DNAH7: variants seen among roughly 807,000 people sequenced by gnomAD.
DNAH7 encodes axonemal beta dynein heavy chain 7.
Under a neutral mutation model 444.6 loss-of-function variants are expected in DNAH7, and 397 were observed. The observed-to-expected ratio is 0.89, with a 90% CI of 0.82 to 0.97. The LOEUF (loss-of-function observed/expected upper bound fraction) is 0.97. Among genes scored for constraint, DNAH7 ranks in the 50% least tolerant of loss-of-function variants. DNAH7 has a pLI of 0.00. For synonymous variants in DNAH7, 1,636 were observed against 1,624.4 expected, an observed-to-expected ratio of 1.01 and a Z score of -0.17; for missense variants, 4,902 against 4,800.8, an observed-to-expected ratio of 1.02 and a Z score of -0.62.
chr2:195,742,260 G>T (rs991366779), intron 63 of DNAH7, among the ~76,000 whole-genome samples: 2 of 152,046 alleles, frequency 1.3e-5, no homozygotes, highest in African/African-American at 4.8e-5. Flanking sequence ...GTGGGGATAG[G>T]GCAAAGTAAG....
rs368986561 is a variant in DNAH7 at position 195,972,309 on chromosome 2, C to T, written c.1991G>A (p.Gly664Glu). The T allele has an allele frequency of 2.1e-5, 34 of 1,613,954 alleles. No homozygotes were observed. The highest frequency in any genetic ancestry group is 3.3e-5 in the Admixed American group (2 of 59,994). The change falls in exon 16 of 65, where the codon GGA becomes GAA. Residue 664 changes from glycine (G) to glutamate (E), a missense_variant. By Grantham distance (98) the Gly-to-Glu change is moderately conservative. Transcript: ENST00000312428. ...NSVFQWYGRM[G>E]EIFEEHRKII... ...TTTCCTGTGTTCTTCAAAAATTTCTCCCATCCTTCCATACCACTGGAAAAC... is the reference window on the plus strand; with the variant it reads ...TTTCCTGTGTTCTTCAAAAATTTCTTCCATCCTTCCATACCACTGGAAAAC...
Position 196,068,810 on chromosome 2 carries a change from C to G in DNAH7, c.-99G>C. 6.8e-7 allele frequency: 1 copy of G among 1,459,884 alleles called. No individual in the cohort carries two copies. Among genetic ancestry groups the G allele is most frequent in the South Asian group, 1.3e-5 (1 of 79,200 alleles). 90.4% of individuals were successfully genotyped at this position (1,459,884 alleles called of 1,614,324 possible). A position where few individuals can be genotyped will look rare whatever the true frequency, so the allele number is the denominator to read the frequency against. On this transcript the variant is annotated 5_prime_UTR_variant, in exon 1 of 65. Coordinates refer to ENST00000312428, the MANE Select transcript of DNAH7 (RefSeq NM_018897.3). ...GCAGGGCCCCGGGACTTGCAGCGGT[C>G]TCAGCTCCCTCCGCACCAGAGCCGT...
intron 12 of DNAH7, among the ~76,000 whole-genome samples, chr2:195,997,951 G>A (rs980172980): frequency 6.6e-6 from 1 of 152,128 alleles, no homozygotes; most frequent in Non-Finnish European, 1.5e-5. Context: ...AATTTGGATC[G>A]TTCGTATACC....
At position 195,816,779 on chromosome 2, in the gene DNAH7, G is replaced by C. The variant is rs372339012; in HGVS notation, c.9610C>G (p.Arg3204Gly). 5 of 1,614,030 alleles carry C rather than the reference G, an allele frequency of 3.1e-6. No individual in the cohort carries two copies. Among genetic ancestry groups the C allele is most frequent in the Non-Finnish European group, 4.2e-6 (5 of 1,180,004 alleles). ...KKIDTTRMGY[R>G]PIAIHSSILF... ...ATGGAAGAATGGATGGCAATAGGAC[G>C]ATAGCCCATGCGGGTGGTGTCAATC... The change falls in exon 51 of 65, where the codon CGT (arginine) becomes GGT (glycine). Residue 3204 changes from arginine (R) to glycine (G), a missense_variant. Coordinates refer to ENST00000312428, the MANE Select transcript of DNAH7 (RefSeq NM_018897.3).
At chr2:195,822,060 T>C (rs1404139890) in intron 49 of DNAH7, among the ~76,000 whole-genome samples, 5 of 152,234 alleles carry the variant, frequency 3.3e-5, no homozygotes, top group Non-Finnish European at 7.3e-5. Flanking sequence ...AACTATAGAC[T>C]ACATAGATAT....
At chr2:196,062,323 CT>C (rs1698174411) in intron 1 of DNAH7, among the ~76,000 whole-genome samples, 1 of 152,182 alleles carries the variant, frequency 6.6e-6, no homozygotes, top group Non-Finnish European at 1.5e-5. Context: ...CCTCAACTCC[CT>C]CTGGCACATA....
intron 5 of DNAH7, 47 bp from the exon 6 acceptor site, chr2:196,028,094 T>C (rs767006642): frequency 8.6e-6 from 13 of 1,505,336 alleles, no homozygotes; most frequent in South Asian, 8.2e-5. Context: ...AAGGGGCAGT[T>C]AGAACATAAA....
At chr2:196,036,704 G>A (rs2125816542) in intron 5 of DNAH7, among the ~76,000 whole-genome samples, 1 of 152,132 alleles carries the variant, frequency 6.6e-6, no homozygotes, top group South Asian at 2.1e-4. Context: ...CTGGCCTGTG[G>A]CCGACACCAA....
intron 61 of DNAH7, among the ~76,000 whole-genome samples, chr2:195,761,228 A>G (rs1694333654): frequency 6.6e-6 from 1 of 152,060 alleles, no homozygotes; most frequent in African/African-American, 2.4e-5. Context: ...GTCTCTTAAC[A>G]GCAGAACTAA....
At chr2:195,964,526 G>GTTT (rs34416268) in intron 17 of DNAH7, among the ~76,000 whole-genome samples, 4 of 119,082 alleles carry the variant, frequency 3.4e-5, no homozygotes, top group Admixed American at 8.8e-5. Flanking sequence ...AGTTCTAATA[G>GTTT]TTTTTTTTTT....
intron 24 of DNAH7, among the ~76,000 whole-genome samples, chr2:195,913,776 G>A (rs950172894): frequency 3.9e-5 from 6 of 152,094 alleles, no homozygotes; most frequent in Non-Finnish European, 5.9e-5. Flanking sequence ...GTGCAGTGGC[G>A]CAATCTCGGC....
chr2:195,811,771 T>TGAAA (rs1696980652), intron 51 of DNAH7, among the ~76,000 whole-genome samples: 1 of 151,466 alleles, frequency 6.6e-6, no homozygotes, highest in Non-Finnish European at 1.5e-5. Context: ...TTGATAGAAG[T>TGAAA]GAAAGAAAAA....
chr2:195,859,217 TA>T (rs1482689689), intron 42 of DNAH7, among the ~76,000 whole-genome samples: 1 of 152,206 alleles, frequency 6.6e-6, no homozygotes, highest in Non-Finnish European at 1.5e-5. Flanking sequence ...GTGCTCAAAA[TA>T]TATTATTTTG....
intron 12 of DNAH7, among the ~76,000 whole-genome samples, chr2:195,998,045 G>A (rs1476815610): frequency 6.6e-6 from 1 of 152,152 alleles, no homozygotes. Flanking sequence ...AAAACAAAAT[G>A]TGTTACCAGA....
In DNAH7 at chr2:195,987,147, C is replaced by T; in HGVS notation, c.1673G>A (p.Arg558Lys). 2 of 1,607,124 alleles carry T rather than the reference C, an allele frequency of 1.2e-6. No individual in the cohort carries two copies. Among genetic ancestry groups the T allele is most frequent in the Non-Finnish European group, 1.7e-6 (2 of 1,177,390 alleles). The stretch of plus-strand genomic sequence containing the variant: ...AATATCTGCTCGCTTCACCAAAGCT[C>T]TGATTAATTCCTCACAGTGCATTTC... Reference protein sequence around the residue: ...MFEMHCEELIRALVKRADIIC... With the variant: ...MFEMHCEELIKALVKRADIIC... Residue 558 changes from arginine (R) to lysine (K), a missense_variant, in exon 14 of 65, where the codon AGA (arginine) becomes AAA (lysine). Physicochemically the swap from Arg to Lys is conservative, Grantham distance 26. Coordinates refer to ENST00000312428, the MANE Select transcript of DNAH7 (RefSeq NM_018897.3).
At chr2:195,738,185 GT>G (rs1392085062) in intron 64 of DNAH7, 58 bp from the exon 65 acceptor site, 4 of 1,460,432 alleles carry the variant, frequency 2.7e-6, no homozygotes, top group Non-Finnish European at 3.8e-6. Context: ...ATGTACATGT[GT>G]TTGAGCCTAC....
intron 1 of DNAH7, among the ~76,000 whole-genome samples, chr2:196,067,867 T>C (rs751040244): frequency 4.6e-5 from 7 of 152,244 alleles, no homozygotes; most frequent in Non-Finnish European, 7.3e-5. Context: ...CTTTTCCTTA[T>C]TCATCACTAC....
At chr2:195,743,348 T>A (rs185789174) in intron 63 of DNAH7, among the ~76,000 whole-genome samples, 250 of 152,296 alleles carry the variant, frequency 1.6e-3, no homozygotes, top group Non-Finnish European at 2.7e-3. Context: ...CTTAATAAAC[T>A]CCCTCTCATA....
chr2:195,926,541 T>C lies in DNAH7; in HGVS notation c.3497A>G (p.Tyr1166Cys), dbSNP rs200590424. Residue 1166 changes from tyrosine (Y) to cysteine (C), a missense_variant, in exon 22 of 65, where the codon TAT becomes TGT. Transcript: ENST00000312428. ...CCAGTTAATTCGTTCATATTTTGTATAGGCAAAAGTTGCATCTCCAGTTAC... is the reference window on the plus strand; with the variant it reads ...CCAGTTAATTCGTTCATATTTTGTACAGGCAAAAGTTGCATCTCCAGTTAC... ...HKVTGDATFA[Y>C]TKYERINWVR... is the part of the protein sequence containing the mutation. 352 of 1,600,220 alleles carry C rather than the reference T, an allele frequency of 2.2e-4. No individual in the cohort carries two copies. The African/African-American group carries it at 4.3e-3, about 20-fold the overall frequency.
Sources: gnomAD v4.1 joint callset for allele counts (sites outside exome capture counted in the v4.1 genomes callset) on GRCh38, gnomAD v4.1.1 for gene constraint, MANE v1.5 for transcripts, NCBI Gene and HGNC (gene_info 2026-07-23, HGNC 2026-07-21) for gene names.